RBMS1: variants seen among roughly 807,000 people sequenced by gnomAD.
The protein encoded by RBMS1 is RNA binding motif single stranded interacting protein 1.
In RBMS1, 17 loss-of-function variants were observed where a neutral mutation model predicts 62.3. That is an observed-to-expected ratio of 0.27 (90% CI 0.19 to 0.41). The LOEUF is 0.41. Ranked by LOEUF, RBMS1 falls within the 10% of genes least tolerant of loss-of-function variation. RBMS1 has a pLI of 1.00. For synonymous variants in RBMS1, 172 were observed against 170.0 expected (o/e 1.01, Z -0.09); for missense variants, 334 against 504.5 (o/e 0.66, Z 3.24).
intron 1 of RBMS1, among the ~76,000 whole-genome samples, chr2:160,458,818 A>G (rs1271892203): frequency 1.3e-5 from 2 of 151,548 alleles, no homozygotes; most frequent in Non-Finnish European, 2.9e-5. Flanking sequence ...AAAAATCTCC[A>G]AAGTAACTTT....
chr2:160,456,466 T>C (rs2105326328), intron 1 of RBMS1, among the ~76,000 whole-genome samples: 1 of 152,342 alleles, frequency 6.6e-6, no homozygotes, highest in South Asian at 2.1e-4. Context: ...ACAGTATAGA[T>C]TGTTACCTTA....
intron 1 of RBMS1, among the ~76,000 whole-genome samples, chr2:160,443,191 G>A (rs7424278): frequency 0.14 from 20,687 of 144,746 alleles, 1,868 homozygotes; most frequent in Non-Finnish European, 0.19. Flanking sequence ...GCGTGACAGT[G>A]AGACCTTGTC....
At position 160,429,079 on chromosome 2, in the gene RBMS1, T is replaced by A. The variant is rs537340548; in HGVS notation, c.76-61688A>T. On this transcript the variant is annotated intron_variant, in intron 1 of 13. Coordinates refer to ENST00000348849, the MANE Select transcript of RBMS1 (RefSeq NM_016836.4). ...TACATTTGTCTGTTCAAAAAATAATTCTTCAGGCAAAAATTTAAAATTTAA... is the reference window on the plus strand; with the variant it reads ...TACATTTGTCTGTTCAAAAAATAATACTTCAGGCAAAAATTTAAAATTTAA... 4.6e-5 allele frequency among the ~76,000 whole-genome samples: 7 copies of A among 152,346 alleles called. No individual in the cohort carries two copies. The South Asian group carries it at 1.2e-3, about 27-fold the overall frequency.
intron 1 of RBMS1, among the ~76,000 whole-genome samples, chr2:160,372,705 C>A (rs945251774): frequency 2.6e-5 from 4 of 152,128 alleles, no homozygotes; most frequent in Admixed American, 6.5e-5. Flanking sequence ...TTCCTTTTGG[C>A]CATATGAGTG....
intron 1 of RBMS1, among the ~76,000 whole-genome samples, chr2:160,488,530 C>T (rs1262701078): frequency 6.6e-6 from 1 of 152,038 alleles, no homozygotes; most frequent in Non-Finnish European, 1.5e-5. Context: ...GAGCCGAGAT[C>T]GTGCCACCAC....
intron 1 of RBMS1, among the ~76,000 whole-genome samples, chr2:160,375,046 C>A (rs1417769496): frequency 1.3e-5 from 2 of 152,118 alleles, no homozygotes. Context: ...CAGGTCTTCA[C>A]GTGTGAAATA....
At chr2:160,318,377 C>A in intron 2 of RBMS1, 150 bp from the exon 3 acceptor site, 1 of 1,220,462 alleles carries the variant, frequency 8.2e-7, no homozygotes, top group Middle Eastern at 2.9e-4. Flanking sequence ...TACTAAGAGA[C>A]AGGAAATGAG....
intron 2 of RBMS1, among the ~76,000 whole-genome samples, chr2:160,344,764 G>A (rs1437561928): frequency 6.6e-6 from 1 of 152,020 alleles, no homozygotes; most frequent in Non-Finnish European, 1.5e-5. Context: ...TAGGTACCAT[G>A]AGCTATGGGG....
chr2:160,299,656 G>A (rs910529470), intron 6 of RBMS1, among the ~76,000 whole-genome samples: 6 of 152,204 alleles, frequency 3.9e-5, no homozygotes, highest in Non-Finnish European at 8.8e-5. Context: ...AAAGGGGACT[G>A]ATAAGACTGG....
In RBMS1 at chr2:160,367,259, G is replaced by A; in HGVS notation, c.208C>T (p.Pro70Ser). 6.2e-7 allele frequency: 1 copy of A among 1,613,908 alleles called. No homozygotes were observed. The highest frequency in any genetic ancestry group is 8.5e-7 in the Non-Finnish European group (1 of 1,179,992). ...AGGTCCTGGTCGGTGGTGTGGGGAG[G>A]CAGTCCTCGGATATAGAGGTTCGTT... ...SKTNLYIRGL[P>S]PHTTDQDLVK... is the part of the protein sequence containing the mutation. Residue 70 changes from proline (P) to serine (S), a missense_variant, in exon 2 of 14, where the codon CCT becomes TCT. This residue lies in a region of RBMS1 where 150 missense variants were observed against 228.0 expected (regional missense o/e 0.66). Coordinates refer to ENST00000348849, the MANE Select transcript of RBMS1 (RefSeq NM_016836.4).
At chr2:160,455,809 G>A (rs1160701106) in intron 1 of RBMS1, among the ~76,000 whole-genome samples, 8 of 149,402 alleles carry the variant, frequency 5.4e-5, no homozygotes, top group East Asian at 2.0e-4. Flanking sequence ...TCAGCCTCCC[G>A]AGTAGCTGGG....
At chr2:160,369,997 C>T (rs559140509) in intron 1 of RBMS1, among the ~76,000 whole-genome samples, 3 of 152,126 alleles carry the variant, frequency 2.0e-5, no homozygotes, top group South Asian at 4.2e-4. Context: ...ATTTGATGGC[C>T]ATCCATATTT....
chr2:160,299,147 C>A (rs1448695684), intron 6 of RBMS1, among the ~76,000 whole-genome samples: 1 of 151,322 alleles, frequency 6.6e-6, no homozygotes, highest in Non-Finnish European at 1.5e-5. Flanking sequence ...ATTTCAACCA[C>A]ACACCAGGGA....
chr2:160,441,294 TG>T (rs1460424201), intron 1 of RBMS1, among the ~76,000 whole-genome samples: 1 of 152,246 alleles, frequency 6.6e-6, no homozygotes, highest in Non-Finnish European at 1.5e-5. Flanking sequence ...GTTTCCAGTT[TG>T]GGGCTTTAAA....
intron 1 of RBMS1, among the ~76,000 whole-genome samples, chr2:160,380,036 G>C (rs1694199790): frequency 6.6e-6 from 1 of 152,182 alleles, no homozygotes; most frequent in African/African-American, 2.4e-5. Flanking sequence ...TGCTGTGCAT[G>C]ATCAAACATG....
At chr2:160,405,411 T>C (rs1315292273) in intron 1 of RBMS1, among the ~76,000 whole-genome samples, 1 of 152,110 alleles carries the variant, frequency 6.6e-6, no homozygotes, top group Non-Finnish European at 1.5e-5. Flanking sequence ...AAGCTTAACA[T>C]CACAAAATCT....
intron 6 of RBMS1, among the ~76,000 whole-genome samples, chr2:160,287,949 A>C (rs1449784763): frequency 1.3e-5 from 2 of 150,524 alleles, no homozygotes; most frequent in East Asian, 3.9e-4. Flanking sequence ...ATATACCTAT[A>C]CATTTATATA....
At chr2:160,414,819 C>T (rs1269747426) in intron 1 of RBMS1, among the ~76,000 whole-genome samples, 1 of 150,402 alleles carries the variant, frequency 6.6e-6, no homozygotes, top group Non-Finnish European at 1.5e-5. Flanking sequence ...TGCACTCCAG[C>T]CTGGGCAACA....
chr2:160,407,909 C>T (rs2105246308), intron 1 of RBMS1: 1 of 980,336 alleles, frequency 1.0e-6, no homozygotes, highest in African/African-American at 1.8e-5. Context: ...GCCCTGAGAG[C>T]GCGCCGGCCG....
Sources: gnomAD v4.1 joint callset for allele counts (sites outside exome capture counted in the v4.1 genomes callset) on GRCh38, gnomAD v4.1.1 for gene constraint, gnomAD v4.1.1 regional missense constraint, MANE v1.5 for transcripts, NCBI Gene and HGNC (gene_info 2026-07-23, HGNC 2026-07-21) for gene names.